Variants in GLYATL3 observed in about 807,000 individuals in gnomAD.
GLYATL3 encodes the protein glycine N-acyltransferase-like protein 3.
A neutral mutation model predicts 28.5 loss-of-function variants in GLYATL3; 31 were observed. That is an observed-to-expected ratio of 1.09 (90% CI 0.82 to 1.47). The LOEUF is 1.47. GLYATL3 is among the 40% of genes most tolerant of loss of function. GLYATL3 has a pLI of 0.00. For synonymous variants in GLYATL3, 141 were observed against 140.2 expected (o/e 1.01, Z -0.04); for missense variants, 369 against 351.5 (o/e 1.05, Z -0.40).
At chr6:49,521,934 C>T (rs1769323944) in intron 5 of GLYATL3, among the ~76,000 whole-genome samples, 163 bp downstream of exon 5, 2 of 151,990 alleles carry the variant, frequency 1.3e-5, no homozygotes, top group Non-Finnish European at 2.9e-5. Flanking sequence ...TGTGTGTTTA[C>T]TCTTCTCCTC....
rs969107383 is a variant in GLYATL3, at chr6:49,527,282, C to T, written c.*368C>T. Reference sequence around the variant, plus strand: ...ACTGCTTTTTGATTGCTGCTTGGACCTCTGCTCTGTATTCTTAAAGCCACA... The same window carrying T: ...ACTGCTTTTTGATTGCTGCTTGGACTTCTGCTCTGTATTCTTAAAGCCACA... On this transcript the variant is annotated 3_prime_UTR_variant, in exon 6 of 6. Coordinates refer to ENST00000371197, the MANE Select transcript of GLYATL3 (RefSeq NM_001010904.2). Among the ~76,000 whole-genome samples the T allele has an allele frequency of 3.9e-5, 6 of 152,148 alleles. No individual in the cohort carries two copies. The highest frequency in any genetic ancestry group is 1.4e-4 in the African/African-American group (6 of 41,432).
chr6:49,520,585 C>A (rs368021363), intron 4 of GLYATL3, among the ~76,000 whole-genome samples: 92 of 152,260 alleles, frequency 6.0e-4, no homozygotes, highest in African/African-American at 2.1e-3. Flanking sequence ...GGGGAAGAAA[C>A]AAGCCATTAG....
chr6:49,510,753 G>T (rs1561977123), intron 1 of GLYATL3, among the ~76,000 whole-genome samples: 2 of 152,104 alleles, frequency 1.3e-5, no homozygotes, highest in Non-Finnish European at 2.9e-5. Flanking sequence ...GGATTCAAAA[G>T]CCTCTTAATG....
intron 5 of GLYATL3, among the ~76,000 whole-genome samples, chr6:49,524,675 C>T (rs761907043): frequency 1.3e-5 from 2 of 151,888 alleles, no homozygotes; most frequent in African/African-American, 4.8e-5. Flanking sequence ...AACAGCAGGC[C>T]GAGGAGACAG....
intron 4 of GLYATL3, among the ~76,000 whole-genome samples, chr6:49,517,884 T>G (rs1769246005): frequency 6.6e-6 from 1 of 152,204 alleles, no homozygotes; most frequent in Admixed American, 6.5e-5. Context: ...ATATTTTTCC[T>G]TATTGGTTTT....
At chr6:49,521,576 G>A in intron 4 of GLYATL3, 69 bp from the exon 5 acceptor site, 2 of 1,376,224 alleles carry the variant, frequency 1.5e-6, no homozygotes, top group Middle Eastern at 1.9e-4. Context: ...TAAAATTACT[G>A]CAACAAATTT....
chr6:49,501,734 G>A (rs1234962558), intron 1 of GLYATL3, among the ~76,000 whole-genome samples: 2 of 152,198 alleles, frequency 1.3e-5, no homozygotes, highest in African/African-American at 4.8e-5. Flanking sequence ...CAACTAGTTA[G>A]ACCAGAAATC....
chr6:49,526,755 G>A lies in GLYATL3; in HGVS notation c.708G>A (p.Arg236=), dbSNP rs1000111572. Residue 236 remains arginine, a synonymous_variant, in exon 6 of 6, where the codon AGG becomes AGA. Transcript: ENST00000371197. Reference sequence around the variant, plus strand: ...GGCTGGTGGCCCTCACGCTGGCCAGGAAGTTGCAAAGCCGGGGATTCCCCT... The same window carrying A: ...GGCTGGTGGCCCTCACGCTGGCCAGAAAGTTGCAAAGCCGGGGATTCCCCT... ...YSRLVALTLA[R]KLQSRGFPSQ... is the part of the protein sequence containing the mutation. 4 of 1,551,640 alleles carry A rather than the reference G, an allele frequency of 2.6e-6. No individual in the cohort carries two copies. The African/African-American group carries it at 4.1e-5, about 16-fold the overall frequency.
intron 1 of GLYATL3, among the ~76,000 whole-genome samples, chr6:49,507,520 A>G (rs1158102560): frequency 6.6e-6 from 1 of 152,216 alleles, no homozygotes; most frequent in Non-Finnish European, 1.5e-5. Flanking sequence ...TGATTGTCGC[A>G]TAATAGCCCT....
chr6:49,512,256 T>C (rs1171160495), intron 2 of GLYATL3, among the ~76,000 whole-genome samples, 188 bp downstream of exon 2: 5 of 148,816 alleles, frequency 3.4e-5, no homozygotes, highest in Non-Finnish European at 7.4e-5. Context: ...GCCCAGGGAA[T>C]TACACTTTTC....
intron 1 of GLYATL3, among the ~76,000 whole-genome samples, chr6:49,507,882 G>T (rs1489717698): frequency 6.6e-6 from 1 of 152,176 alleles, no homozygotes; most frequent in East Asian, 1.9e-4. Context: ...GAGGGCGGGG[G>T]TAGGTTAGTG....
rs183956279 is a variant in GLYATL3 at position 49,527,068 on chromosome 6, A to C, written c.*154A>C. The C allele has an allele frequency of 3.4e-6, 2 of 591,666 alleles. No individual in the cohort carries two copies. The highest frequency in any genetic ancestry group is 5.7e-5 in the East Asian group (2 of 35,180). The allele number at this position is 591,666 out of a possible 1,614,324, so 36.7% of individuals were successfully genotyped here. ...ATACAGGATCCACTTGAGAAGCCTT[A>C]ATTTTTCGTATCTCAGGTTTCTCCA... is the stretch of plus-strand genomic sequence containing the variant. On this transcript the variant is annotated 3_prime_UTR_variant, in exon 6 of 6. Coordinates refer to ENST00000371197, the MANE Select transcript of GLYATL3 (RefSeq NM_001010904.2).
chr6:49,517,137 C>G (rs1769230385), intron 3 of GLYATL3, among the ~76,000 whole-genome samples: 1 of 134,864 alleles, frequency 7.4e-6, no homozygotes, highest in African/African-American at 2.8e-5. Context: ...TCCAGCCTTG[C>G]AACAGAGTGA....
Position 49,509,948 on chromosome 6 carries a change from C to CTTTCTT in GLYATL3, c.-28-2014_-28-2013insTTCTTT, listed in dbSNP as rs68151540. On this transcript the variant is annotated intron_variant, in intron 1 of 5. Coordinates refer to ENST00000371197, the MANE Select transcript of GLYATL3 (RefSeq NM_001010904.2). The stretch of plus-strand genomic sequence containing the variant: ...TTGATATATTTTACGTATTTTCTTT[C>CTTTCTT]TCTTTCTTTCTTTCTTTCTTTCTTT... Among the ~76,000 whole-genome samples the CTTTCTT allele has an allele frequency of 8.1e-3, 817 of 100,248 alleles. 10 individuals carry two copies. Among genetic ancestry groups the CTTTCTT allele is most frequent in the African/African-American group, 0.023 (661 of 28,498 alleles). The allele number at this position is 100,248 out of a possible 152,430, so 65.8% of individuals were successfully genotyped here.
chr6:49,525,861 G>C (rs191050139), intron 5 of GLYATL3, among the ~76,000 whole-genome samples: 1 of 152,184 alleles, frequency 6.6e-6, no homozygotes, highest in Non-Finnish European at 1.5e-5. Context: ...TTCAACACGC[G>C]GGGACTCAAG....
intron 5 of GLYATL3, among the ~76,000 whole-genome samples, chr6:49,524,388 A>G (rs1250791466): frequency 6.6e-6 from 1 of 152,198 alleles, no homozygotes. Flanking sequence ...CAAGAACATT[A>G]TCTCTTACCG....
chr6:49,501,267 T>G (rs942161722), intron 1 of GLYATL3, among the ~76,000 whole-genome samples: 2 of 151,866 alleles, frequency 1.3e-5, no homozygotes, highest in African/African-American at 4.8e-5. Flanking sequence ...TAGCCAGGCG[T>G]TGGTGGTGTG....
In GLYATL3 at chr6:49,526,895, C is replaced by T. The variant is rs1378615359; in HGVS notation, c.848C>T (p.Ser283Phe). ...CTTATTCTCACCCCTGCGACTTTCT[C>T]TGGCCTGCCTCACCTCTAGCCCAGT... ...HRLILTPATF[S>F]GLPHL Residue 283 changes from serine (S) to phenylalanine (F), a missense_variant, in exon 6 of 6, where the codon TCT (serine) becomes TTT (phenylalanine). Coordinates refer to ENST00000371197, the MANE Select transcript of GLYATL3 (RefSeq NM_001010904.2). 6.5e-7 allele frequency: 1 copy of T among 1,534,026 alleles called. No homozygotes were observed. The highest frequency in any genetic ancestry group is 2.5e-5 in the East Asian group (1 of 40,626).
chr6:49,500,282 T>G (rs1768889672), intron 1 of GLYATL3, among the ~76,000 whole-genome samples: 1 of 152,116 alleles, frequency 6.6e-6, no homozygotes, highest in Admixed American at 6.6e-5. Context: ...GTGAGGAAAA[T>G]AAGTATTACC....
Sources: allele counts gnomAD v4.1 joint callset (sites outside exome capture counted in the v4.1 genomes callset), GRCh38; gene constraint gnomAD v4.1.1; transcripts MANE v1.5; gene names NCBI Gene and HGNC (gene_info 2026-07-23, HGNC 2026-07-21).